EPCAM: variants seen among roughly 807,000 people sequenced by gnomAD.
EPCAM encodes epithelial cell adhesion molecule.
A neutral mutation model predicts 40.0 loss-of-function variants in EPCAM; 39 were observed. The observed-to-expected ratio is 0.98, with a 90% CI of 0.76 to 1.27. The LOEUF is 1.27. Among genes scored for constraint, EPCAM ranks in the 50% most tolerant of loss-of-function variants. The probability of loss-of-function intolerance (pLI) is 0.00; values close to 1 mark genes in which losing one functional copy is unlikely to be tolerated. For missense variants in EPCAM, 503 were observed against 381.2 expected (o/e 1.32, Z -2.66); for synonymous variants, 168 against 132.3 (o/e 1.27, Z -1.85).
At chr2:47,378,453 T>C (rs59327755) in intron 5 of EPCAM, among the ~76,000 whole-genome samples, 27,232 of 151,514 alleles carry the variant, frequency 0.18, 3,199 homozygotes, top group African/African-American at 0.34. Context: ...AGGCAATGTG[T>C]CACCACGCCT....
intron 4 of EPCAM, 87 bp from the exon 5 acceptor site, chr2:47,376,927 C>T: frequency 1.2e-6 from 1 of 868,124 alleles, no homozygotes; most frequent in Non-Finnish European, 1.9e-6. Context: ...AGTTTTAGAC[C>T]CTGAGCTGTC....
intron 1 of EPCAM, 165 bp downstream of exon 1, chr2:47,369,746 C>G (rs1404126625): frequency 2.5e-6 from 2 of 786,752 alleles, no homozygotes; most frequent in Non-Finnish European, 4.4e-6. Flanking sequence ...AGGCCCTCCG[C>G]GCGGTAGGAA....
At chr2:47,386,397 A>T (rs1671743185) in intron 8 of EPCAM, among the ~76,000 whole-genome samples, 175 bp from the exon 9 acceptor site, 1 of 152,122 alleles carries the variant, frequency 6.6e-6, no homozygotes, top group African/African-American at 2.4e-5. Flanking sequence ...AAACACTTAA[A>T]TGTGTGTTTC....
chr2:47,376,270 T>G (rs1671422937), intron 4 of EPCAM, among the ~76,000 whole-genome samples: 1 of 151,722 alleles, frequency 6.6e-6, no homozygotes, highest in African/African-American at 2.4e-5. Flanking sequence ...TTTTTTTTTT[T>G]TTGAGTTGGA....
intron 5 of EPCAM, 140 bp downstream of exon 5, chr2:47,377,217 T>C: frequency 1.4e-6 from 1 of 719,428 alleles, no homozygotes; most frequent in South Asian, 1.5e-5. Context: ...TTAATGTGAA[T>C]TTCCTGTTAC....
At chr2:47,370,959 G>T (rs942674521) in intron 1 of EPCAM, among the ~76,000 whole-genome samples, 2 of 151,416 alleles carry the variant, frequency 1.3e-5, no homozygotes, top group Admixed American at 1.3e-4. Context: ...GTGATCCACC[G>T]ACCTTGGCCT....
At chr2:47,370,666 G>A (rs758390221) in intron 1 of EPCAM, among the ~76,000 whole-genome samples, 2 of 151,994 alleles carry the variant, frequency 1.3e-5, no homozygotes, top group African/African-American at 2.4e-5. Context: ...TACGCCTCCC[G>A]GCCTCAGACC....
chr2:47,379,096 C>CT (rs1558438159), intron 6 of EPCAM, 42 bp downstream of exon 6: 4 of 1,002,726 alleles, frequency 4.0e-6, no homozygotes, highest in Non-Finnish European at 6.4e-6. Flanking sequence ...GGAATGTAGT[C>CT]TATCATGCCT....
intron 5 of EPCAM, chr2:47,377,884 T>C (rs1407059027): frequency 2.7e-6 from 1 of 368,324 alleles, no homozygotes; most frequent in Non-Finnish European, 5.4e-6. Flanking sequence ...TCTTTAAAGG[T>C]AGTATGAATT....
Position 47,386,705 on chromosome 2 carries a change from C to T in EPCAM, c.*92C>T. On this transcript the variant is annotated 3_prime_UTR_variant, in exon 9 of 9. Coordinates refer to ENST00000263735, the MANE Select transcript of EPCAM (RefSeq NM_002354.3). Reference sequence around the variant, plus strand: ...GTGGGACGAAGACATCTTTGAAGGTCATGAGTTTGTTAGTTTAACATCATA... The same window carrying T: ...GTGGGACGAAGACATCTTTGAAGGTTATGAGTTTGTTAGTTTAACATCATA... The T allele has an allele frequency of 1.0e-6, 1 of 997,328 alleles. No homozygotes were observed. 61.8% of individuals were successfully genotyped at this position (997,328 alleles called of 1,614,324 possible). A position where few individuals can be genotyped will look rare whatever the true frequency, so the allele number is the denominator to read the frequency against.
At chr2:47,370,441 T>A (rs1671228642) in intron 1 of EPCAM, among the ~76,000 whole-genome samples, 1 of 151,800 alleles carries the variant, frequency 6.6e-6, no homozygotes, top group Non-Finnish European at 1.5e-5. Flanking sequence ...CACCCCCCGC[T>A]AATTTTTGTA....
At chr2:47,374,173 G>C in intron 3 of EPCAM, 125 bp downstream of exon 3, 1 of 1,183,118 alleles carries the variant, frequency 8.5e-7, no homozygotes, top group Middle Eastern at 2.4e-4. Flanking sequence ...CCAGTGAAAA[G>C]CTTCCTTCTC....
chr2:47,370,810 A>G (rs551478376), intron 1 of EPCAM, among the ~76,000 whole-genome samples: 1 of 151,504 alleles, frequency 6.6e-6, no homozygotes, highest in South Asian at 2.1e-4. Flanking sequence ...ATCTCACTGC[A>G]ATTCAGGCGA....
At chr2:47,380,067 A>G (rs1671549022) in intron 7 of EPCAM, 98 bp downstream of exon 7, 4 of 1,538,298 alleles carry the variant, frequency 2.6e-6, no homozygotes, top group Non-Finnish European at 3.5e-6. Flanking sequence ...TGTTATCCCT[A>G]CACTTTGGGA....
chr2:47,385,558 C>T (rs1194006376), intron 8 of EPCAM, among the ~76,000 whole-genome samples: 1 of 152,128 alleles, frequency 6.6e-6, no homozygotes, highest in African/African-American at 2.4e-5. Context: ...ATCTCTATGC[C>T]AGTGAAATAA....
At chr2:47,379,739 T>C (rs1300896239) in intron 6 of EPCAM, 30 bp from the exon 7 acceptor site, 1 of 1,610,280 alleles carries the variant, frequency 6.2e-7, no homozygotes, top group South Asian at 1.1e-5. Context: ...CCTTAAATAT[T>C]TTTAATTCCT....
At chr2:47,383,613 T>C (rs796348727) in intron 7 of EPCAM, among the ~76,000 whole-genome samples, 4,224 of 39,078 alleles carry the variant, frequency 0.11, 37 homozygotes, top group African/African-American at 0.27. Context: ...TCTTCTTTTT[T>C]TTTTTTTTTT....
chr2:47,386,691 A>T lies in EPCAM; in HGVS notation c.*78A>T, dbSNP rs568965134. The T allele has an allele frequency of 8.9e-6, 10 of 1,121,978 alleles. No homozygotes were observed. In the African/African-American group the frequency reaches 1.4e-4, roughly 15 times the overall value. The allele number at this position is 1,121,978 out of a possible 1,614,324, so 69.5% of individuals were successfully genotyped here. A position where few individuals can be genotyped will look rare whatever the true frequency, so the allele number is the denominator to read the frequency against. Reference sequence around the variant, plus strand: ...ACAAATGTGTGTGCGTGGGACGAAGACATCTTTGAAGGTCATGAGTTTGTT... The same window carrying T: ...ACAAATGTGTGTGCGTGGGACGAAGTCATCTTTGAAGGTCATGAGTTTGTT... On this transcript the variant is annotated 3_prime_UTR_variant, in exon 9 of 9. Coordinates refer to ENST00000263735, the MANE Select transcript of EPCAM (RefSeq NM_002354.3).
chr2:47,380,893 A>G lies in EPCAM; in HGVS notation c.858+924A>G, dbSNP rs563143563. On this transcript the variant is annotated intron_variant, in intron 7 of 8. Coordinates refer to ENST00000263735, the MANE Select transcript of EPCAM (RefSeq NM_002354.3). The stretch of plus-strand genomic sequence containing the variant: ...CACTTGAGATCAGAAGTTCGAGACC[A>G]GCCTGGCCAACATGGTGAAACCCTG... Among the ~76,000 whole-genome samples the G allele has an allele frequency of 7.9e-5, 12 of 152,014 alleles. No homozygotes were observed. The East Asian group carries it at 2.1e-3, about 27-fold the overall frequency.
Sources: gnomAD v4.1 joint callset for allele counts (sites outside exome capture counted in the v4.1 genomes callset) on GRCh38, gnomAD v4.1.1 for gene constraint, MANE v1.5 for transcripts, NCBI Gene and HGNC (gene_info 2026-07-23, HGNC 2026-07-21) for gene names.